INVS: variants seen among roughly 807,000 people sequenced by gnomAD.
INVS encodes inversin.
INVS carries 86 observed loss-of-function variants against 108.8 expected under a neutral mutation model. The ratio of observed to expected loss-of-function variants is 0.79; its 90% confidence interval spans 0.66 to 0.95. INVS has a LOEUF of 0.95. Among genes scored for constraint, INVS ranks in the 40% least tolerant of loss-of-function variants. INVS has a pLI of 0.00. For missense variants in INVS, 1,169 were observed against 1,297.4 expected (o/e 0.90, Z 1.52); for synonymous variants, 455 against 473.5 (o/e 0.96, Z 0.51).
intron 3 of INVS, among the ~76,000 whole-genome samples, chr9:100,166,913 CAAAGCATGTCAGTCCT>C (rs1829381369): frequency 6.6e-6 from 1 of 152,166 alleles, no homozygotes; most frequent in Non-Finnish European, 1.5e-5. Context: ...AAACTTAAGT[CAAAGCATGTCAGTCCT>C]CTGCTCCAGA....
chr9:100,161,229 A>G (rs1829164830), intron 3 of INVS, among the ~76,000 whole-genome samples: 1 of 151,770 alleles, frequency 6.6e-6, no homozygotes, highest in African/African-American at 2.4e-5. Flanking sequence ...TACAAAAATT[A>G]GCTGGGTGTG....
chr9:100,112,815 G>A (rs1375367349), intron 2 of INVS, among the ~76,000 whole-genome samples: 2 of 152,222 alleles, frequency 1.3e-5, no homozygotes, highest in African/African-American at 4.8e-5. Context: ...ATCCCAGAAT[G>A]TGAGATGGCC....
At position 100,226,051 on chromosome 9, in the gene INVS, T is replaced by G; in HGVS notation, c.274-11T>G. On this transcript the variant is annotated splice_polypyrimidine_tract_variant and intron_variant, in intron 3 of 16. Coordinates refer to ENST00000262457, the MANE Select transcript of INVS (RefSeq NM_014425.5). Reference sequence around the variant, plus strand: ...ACATTTTTTTCTTATCATCTCTTGTTTTTTATTTAGGGAAATTATCGTTTC... The same window carrying G: ...ACATTTTTTTCTTATCATCTCTTGTGTTTTATTTAGGGAAATTATCGTTTC... The G allele has an allele frequency of 6.2e-7, 1 of 1,604,680 alleles. No individual in the cohort carries two copies. The highest frequency in any genetic ancestry group is 1.7e-5 in the Admixed American group (1 of 59,170).
rs183940110 is a variant in INVS at position 100,214,417 on chromosome 9, T to A, written c.274-11645T>A. On this transcript the variant is annotated intron_variant, in intron 3 of 16. Transcript: ENST00000262457. Reference sequence around the variant, plus strand: ...CTTTCCTACATACAAACATGTAGCCTAAAGAGGCTGAAATAAAGAGTCACT... The same window carrying A: ...CTTTCCTACATACAAACATGTAGCCAAAAGAGGCTGAAATAAAGAGTCACT... 2.0e-5 allele frequency among the ~76,000 whole-genome samples: 3 copies of A among 152,270 alleles called. No homozygotes were observed. In the East Asian group the frequency reaches 5.8e-4, roughly 29 times the overall value.
At position 100,166,499 on chromosome 9, in the gene INVS, G is replaced by T. The variant is rs368095720; in HGVS notation, c.273+39950G>T. ...GCTCCCACCACTGTACTCTAGCCTG[G>T]GCAAGAGAATGAGACCTTGTTTAAG... On this transcript the variant is annotated intron_variant, in intron 3 of 16. Coordinates refer to ENST00000262457, the MANE Select transcript of INVS (RefSeq NM_014425.5). Among the ~76,000 whole-genome samples, 53 of 152,086 alleles carry T rather than the reference G, an allele frequency of 3.5e-4. 1 individual carries two copies. Among genetic ancestry groups the T allele is most frequent in the Non-Finnish European group, 2.9e-4 (20 of 68,016 alleles).
intron 3 of INVS, chr9:100,176,039 C>A: frequency 1.9e-6 from 1 of 522,118 alleles, no homozygotes; most frequent in Non-Finnish European, 3.7e-6. Flanking sequence ...CAAGAACATG[C>A]AGCCTGAAGA....
rs574728873 is a variant in INVS at position 100,117,502 on chromosome 9, C to T, written c.107-8881C>T. The T allele has an allele frequency of 2.5e-4, 206 of 812,658 alleles. No individual in the cohort carries two copies. The Admixed American group carries it at 3.6e-3, about 14-fold the overall frequency. The allele number at this position is 812,658 out of a possible 1,614,324, so 50.3% of individuals were successfully genotyped here. On this transcript the variant is annotated intron_variant, in intron 2 of 16. Transcript: ENST00000262457. ...CTTCTCGAGCTCCACGGCCTCAGCC[C>T]GGGCCCCGTCCACGGCCGCAACCCC...
At chr9:100,100,579 TA>T in intron 1 of INVS, among the ~76,000 whole-genome samples, 1 of 100,232 alleles carries the variant, frequency 1.0e-5, no homozygotes, top group African/African-American at 4.1e-5. Context: ...TATATATATA[TA>T]ATATATATAA....
chr9:100,296,906 G>T lies in INVS; in HGVS notation c.2787-11G>T. 1.2e-6 allele frequency: 2 copies of T among 1,612,508 alleles called. No individual in the cohort carries two copies. The highest frequency in any genetic ancestry group is 2.2e-5 in the South Asian group (2 of 90,896). On this transcript the variant is annotated splice_polypyrimidine_tract_variant and intron_variant, in intron 14 of 16. Transcript: ENST00000262457. The stretch of plus-strand genomic sequence containing the variant: ...GATCTTAAAGCCTCTCCTCTCCTCT[G>T]ACCCAACCAGCTACCAGCTCAGGAA...
At chr9:100,100,896 T>A (rs867426723) in intron 1 of INVS, among the ~76,000 whole-genome samples, 6 of 35,346 alleles carry the variant, frequency 1.7e-4, no homozygotes, top group Admixed American at 4.6e-4. Context: ...TAATATATAT[T>A]ATATATGTAT....
At chr9:100,216,694 T>A (rs1374561669) in intron 3 of INVS, among the ~76,000 whole-genome samples, 1 of 152,222 alleles carries the variant, frequency 6.6e-6, no homozygotes, top group Non-Finnish European at 1.5e-5. Context: ...CATTGTTCTC[T>A]CCATTTATTT....
intron 3 of INVS, among the ~76,000 whole-genome samples, chr9:100,188,354 C>T (rs2118136860): frequency 6.6e-6 from 1 of 152,146 alleles, no homozygotes; most frequent in East Asian, 1.9e-4. Flanking sequence ...CGGAACATAC[C>T]TCAAAATAAT....
chr9:100,265,000 T>A, intron 11 of INVS, 72 bp downstream of exon 11: 1 of 1,004,976 alleles, frequency 1.0e-6, no homozygotes, highest in Non-Finnish European at 1.6e-6. Context: ...TGGGTTGCAG[T>A]GGCACGATCT....
At chr9:100,265,685 T>C (rs1467887230) in intron 11 of INVS, among the ~76,000 whole-genome samples, 1 of 152,184 alleles carries the variant, frequency 6.6e-6, no homozygotes, top group African/African-American at 2.4e-5. Context: ...GAAGCTAAGA[T>C]GAAAGTTCAG....
chr9:100,100,903 GTATATATATTATATGTA>G (rs1826919042), intron 1 of INVS, among the ~76,000 whole-genome samples: 2 of 36,256 alleles, frequency 5.5e-5, no homozygotes, highest in African/African-American at 1.8e-4. Context: ...TATTATATAT[GTATATATATTATATGTA>G]TATATATAAT....
At chr9:100,099,543 C>T (rs1354995619) in intron 1 of INVS, 127 bp downstream of exon 1, 1 of 152,530 alleles carries the variant, frequency 6.6e-6, no homozygotes, top group East Asian at 1.9e-4. Flanking sequence ...GGCCTCCTCG[C>T]CCGCTGCCTC....
Position 100,292,922 on chromosome 9 carries a change from G to A in INVS, c.2665G>A (p.Val889Met), listed in dbSNP as rs771857927. Residue 889 changes from valine (V) to methionine (M), a missense_variant, in exon 14 of 17, where the codon GTG (valine) becomes ATG (methionine). Val to Met is a conservative substitution (Grantham distance 21). Around this residue, in one of 3 missense-constraint regions of INVS, gnomAD observed 533 missense variants for 536.0 expected, o/e 0.99. Coordinates refer to ENST00000262457, the MANE Select transcript of INVS (RefSeq NM_014425.5). ...PAPGPLSGQSVNIDLLPVELR... is the reference protein window; with the variant it reads ...PAPGPLSGQSMNIDLLPVELR... The stretch of plus-strand genomic sequence containing the variant: ...ACCTGGTCCCCTCTCTGGGCAGAGT[G>A]TGAATATTGACCTTCTCCCCGTAGA... 10 of 1,613,930 alleles carry A rather than the reference G, an allele frequency of 6.2e-6. No individual in the cohort carries two copies. The highest frequency in any genetic ancestry group is 1.1e-5 in the South Asian group (1 of 91,076).
At chr9:100,130,592 T>C (rs536909174) in intron 3 of INVS, 1 of 152,194 alleles carries the variant, frequency 6.6e-6, no homozygotes, top group Non-Finnish European at 1.5e-5. Context: ...CCATCCCTAT[T>C]AATCGTCATT....
chr9:100,282,952 G>A (rs1036119361), intron 12 of INVS, among the ~76,000 whole-genome samples: 22 of 152,262 alleles, frequency 1.4e-4, no homozygotes, highest in Non-Finnish European at 2.1e-4. Context: ...AGCCTAAGTC[G>A]GAATCCATAA....
Sources: allele counts gnomAD v4.1 joint callset (sites outside exome capture counted in the v4.1 genomes callset), GRCh38; gene constraint gnomAD v4.1.1; regional missense constraint gnomAD v4.1.1; transcripts MANE v1.5; gene names NCBI Gene and HGNC (gene_info 2026-07-23, HGNC 2026-07-21).